The following NAV2 variants were observed in gnomAD, a reference collection of about 807,000 sequenced individuals.
NAV2 encodes the protein neuron navigator 2, also known as helicase, APC down-regulated 1.
NAV2 carries 54 observed loss-of-function variants against 223.2 expected under a neutral mutation model. The observed-to-expected ratio is 0.24, with a 90% CI of 0.19 to 0.30. The LOEUF (loss-of-function observed/expected upper bound fraction) is 0.30, where lower values mean the gene tolerates loss of function less well. Ranked by LOEUF, NAV2 falls within the 10% of genes least tolerant of loss-of-function variation. The pLI, the probability that NAV2 is intolerant of heterozygous loss-of-function variation, is 1.00. For missense variants in NAV2, 2,806 were observed against 3,147.5 expected (o/e 0.89, Z 2.60); for synonymous variants, 1,279 against 1,239.3 (o/e 1.03, Z -0.67).
chr11:19,561,055 T>A (rs774650149), intron 1 of NAV2, among the ~76,000 whole-genome samples: 2 of 152,196 alleles, frequency 1.3e-5, no homozygotes, highest in South Asian at 4.1e-4. Flanking sequence ...TTAAGACCAG[T>A]GTTCTTCTGA....
In NAV2 at chr11:20,095,704, C is replaced by T. The variant is rs918557462; in HGVS notation, c.5949C>T (p.Cys1983=). 1.7e-5 allele frequency: 27 copies of T among 1,613,778 alleles called. No individual in the cohort carries two copies. Among genetic ancestry groups the T allele is most frequent in the Non-Finnish European group, 2.3e-5 (27 of 1,179,816 alleles). Residue 1983 remains cysteine (C), a synonymous_variant, in exon 30 of 38, where the codon TGC becomes TGT. Transcript: ENST00000349880. The part of the protein sequence containing the change: ...DSRPHLFLIG[C]IGVSGKTKWD... ...GACCACATCTCTTTCTTATTGGCTG[C>T]ATTGGAGTTAGTGGCAAGACGAAGT... is the stretch of plus-strand genomic sequence containing the variant.
At chr11:19,440,263 C>G (rs1030825425) in intron 1 of NAV2, among the ~76,000 whole-genome samples, 5 of 152,050 alleles carry the variant, frequency 3.3e-5, no homozygotes, top group African/African-American at 1.2e-4. Context: ...GGCAAGAATC[C>G]CAACTCAGTC....
rs747267922 is a variant in NAV2 at position 20,062,362 on chromosome 11, G to A, written c.4884+3G>A. ...GCACATCGTCAGTTTATTCTACAGT[G>A]AGTATAAATCAATGCTGTGTGGCTG... On this transcript the variant is annotated splice_donor_region_variant and intron_variant, in intron 20 of 37. Transcript: ENST00000349880. The A allele has an allele frequency of 1.2e-6, 2 of 1,608,720 alleles. No individual in the cohort carries two copies. The highest frequency in any genetic ancestry group is 2.2e-5 in the East Asian group (1 of 44,830).
intron 10 of NAV2, among the ~76,000 whole-genome samples, chr11:19,952,160 G>C (rs1023934737): frequency 2.0e-5 from 3 of 152,170 alleles, no homozygotes; most frequent in African/African-American, 7.2e-5. Context: ...AAACTGGCAA[G>C]GTTGTAAATA....
chr11:20,106,175 A>AGATATATATG (rs2062034590), intron 35 of NAV2, among the ~76,000 whole-genome samples: 1 of 35,842 alleles, frequency 2.8e-5, no homozygotes, highest in African/African-American at 9.9e-5. Context: ...ATATATATAT[A>AGATATATATG]TGTGTGTGTA....
chr11:19,401,952 G>T (rs1187104468), intron 1 of NAV2: 1 of 152,158 alleles, frequency 6.6e-6, no homozygotes, highest in Non-Finnish European at 1.5e-5. Context: ...AGACGAGATC[G>T]GGCGCATTCA....
rs144510026 is a variant in NAV2, at chr11:19,556,020, T to A, written c.75+204993T>A. ...TTTCTCCTCCTCAGCCTCCCTTCCC[T>A]CCTCCTTTCAAAGCCTTCACTCTTC... On this transcript the variant is annotated intron_variant, in intron 1 of 37. Transcript: ENST00000360655. Among the ~76,000 whole-genome samples, 890 of 152,172 alleles carry A rather than the reference T, an allele frequency of 5.8e-3. 5 individuals carry two copies. The highest frequency in any genetic ancestry group is 0.024 in the Middle Eastern group (7 of 294).
intron 1 of NAV2, among the ~76,000 whole-genome samples, chr11:19,458,112 C>T (rs1392982482): frequency 6.6e-6 from 1 of 152,190 alleles, no homozygotes; most frequent in African/African-American, 2.4e-5. Flanking sequence ...GTCTGCAAGC[C>T]CAGCCAGACG....
At chr11:19,995,120 C>G (rs911023224) in intron 11 of NAV2, among the ~76,000 whole-genome samples, 1 of 152,228 alleles carries the variant, frequency 6.6e-6, no homozygotes, top group African/African-American at 2.4e-5. Flanking sequence ...TAGTGAATTA[C>G]CTTGGGCAAG....
intron 1 of NAV2, among the ~76,000 whole-genome samples, chr11:19,479,373 G>A (rs2042212913): frequency 6.6e-6 from 1 of 152,126 alleles, no homozygotes; most frequent in African/African-American, 2.4e-5. Flanking sequence ...ATGCTCCACT[G>A]CTGGATAGTA....
rs763894768 is a variant in NAV2 at position 20,105,726 on chromosome 11, C to T, written c.6840C>T (p.Ile2280=). Residue 2280 remains isoleucine (I), a splice_region_variant and synonymous_variant, in exon 35 of 38, where the codon ATC becomes ATT. Transcript: ENST00000349880. The part of the protein sequence containing the change: ...LEAHSSSDVT[I]GPRLFLSCPI... Reference sequence around the variant, plus strand: ...CTCACAGTTCCTCGGACGTCACCATCGGTGGGTGGGAGACTGGGGTCAGGG... The same window carrying T: ...CTCACAGTTCCTCGGACGTCACCATTGGTGGGTGGGAGACTGGGGTCAGGG... The T allele has an allele frequency of 2.5e-6, 4 of 1,609,884 alleles. No homozygotes were observed. Among genetic ancestry groups the T allele is most frequent in the African/African-American group, 2.7e-5 (2 of 74,816 alleles).
chr11:20,103,629 T>G lies in NAV2; in HGVS notation c.6573-24T>G, dbSNP rs1443207769. The G allele has an allele frequency of 3.7e-6, 6 of 1,613,084 alleles. No homozygotes were observed. The Admixed American group carries it at 1.0e-4, about 27-fold the overall frequency. On this transcript the variant is annotated intron_variant, in intron 33 of 37. Coordinates refer to ENST00000349880, the MANE Select transcript of NAV2 (RefSeq NM_145117.5). ...CTAGCTTGGCTTGGAATCACAGCTT[T>G]CTTTTCCTTTATTTTATCCGCAGCC... is the stretch of plus-strand genomic sequence containing the variant.
chr11:19,744,974 G>A (rs2053216802), intron 1 of NAV2, among the ~76,000 whole-genome samples: 1 of 152,212 alleles, frequency 6.6e-6, no homozygotes, highest in Non-Finnish European at 1.5e-5. Context: ...ATATAGGACT[G>A]TAAGATAGGT....
intron 1 of NAV2, among the ~76,000 whole-genome samples, chr11:19,583,958 GCTC>G (rs2045808551): frequency 6.6e-6 from 1 of 152,190 alleles, no homozygotes; most frequent in Non-Finnish European, 1.5e-5. Context: ...AATGGTACCA[GCTC>G]CTCCTTGTAC....
chr11:19,850,160 A>G (rs2061034648), intron 3 of NAV2, among the ~76,000 whole-genome samples: 1 of 152,194 alleles, frequency 6.6e-6, no homozygotes, highest in Non-Finnish European at 1.5e-5. Flanking sequence ...CCAGTCTGCC[A>G]CAGGACTGAT....
intron 10 of NAV2, among the ~76,000 whole-genome samples, chr11:19,976,893 A>T (rs1038273238): frequency 3.9e-5 from 6 of 152,202 alleles, no homozygotes; most frequent in African/African-American, 1.4e-4. Context: ...TGTTGTGGCC[A>T]CAGGAGACTG....
At chr11:19,893,391 A>C (rs2041677166) in intron 6 of NAV2, among the ~76,000 whole-genome samples, 1 of 152,160 alleles carries the variant, frequency 6.6e-6, no homozygotes, top group African/African-American at 2.4e-5. Context: ...GTCTCCTGGA[A>C]GCATTTCCTA....
chr11:19,644,272 C>T (rs566190831), intron 1 of NAV2, among the ~76,000 whole-genome samples: 2 of 152,340 alleles, frequency 1.3e-5, no homozygotes, highest in South Asian at 4.1e-4. Flanking sequence ...TGATGCCCAA[C>T]CCCTGGGAAA....
intron 1 of NAV2, among the ~76,000 whole-genome samples, chr11:19,462,854 C>G (rs1370600026): frequency 6.6e-6 from 1 of 152,304 alleles, no homozygotes. Context: ...TCAGAAAGAT[C>G]CTGAAGCCAA....
Sources: gnomAD v4.1 joint callset for allele counts (sites outside exome capture counted in the v4.1 genomes callset) on GRCh38, gnomAD v4.1.1 for gene constraint, MANE v1.5 for transcripts, NCBI Gene and HGNC (gene_info 2026-07-23, HGNC 2026-07-21) for gene names.